LRRC71: variants seen among roughly 807,000 people sequenced by gnomAD.
LRRC71 encodes leucine rich repeat containing 71.
LRRC71 carries 54 observed loss-of-function variants against 66.6 expected under a neutral mutation model. That is an observed-to-expected ratio of 0.81 (90% CI 0.65 to 1.02). LRRC71 has a LOEUF of 1.02. Among genes scored for constraint, LRRC71 ranks in the 50% least tolerant of loss-of-function variants. The pLI is 0.00. For synonymous variants in LRRC71, 323 were observed against 303.9 expected (o/e 1.06, Z -0.65); for missense variants, 724 against 718.0 (o/e 1.01, Z -0.10).
chr1:156,930,032 T>TTCTTTCTCTTTCTTTC, intron 11 of LRRC71, among the ~76,000 whole-genome samples: 1 of 120,056 alleles, frequency 8.3e-6, no homozygotes, highest in East Asian at 2.5e-4. Context: ...TTTCTTTTCT[T>TTCTTTCTCTTTCTTTC]TTTCTTTCTT....
At chr1:156,937,086 G>C, downstream of LRRC71, 2 of 1,572,082 alleles carry the variant, frequency 1.3e-6, no homozygotes, top group Non-Finnish European at 1.7e-6. Context: ...GCTGGGCCTT[G>C]GGGAGGAGGG....
chr1:156,932,052 C>T (rs1398053800), intron 13 of LRRC71, 25 bp downstream of exon 13: 1 of 1,548,766 alleles, frequency 6.5e-7, no homozygotes, highest in Non-Finnish European at 8.8e-7. Context: ...CTCCCCTGTC[C>T]TCCTGTCATG....
At chr1:156,933,530 G>A (rs1029834064), downstream of LRRC71, among the ~76,000 whole-genome samples, 5 of 152,242 alleles carry the variant, frequency 3.3e-5, no homozygotes, top group Admixed American at 6.5e-5. Flanking sequence ...TTAAGAAAAT[G>A]AACAAAGGCT....
rs1340580471 is a variant in LRRC71 at position 156,929,418 on chromosome 1, G to T, written c.1135G>T (p.Glu379Ter). 6.2e-7 allele frequency: 1 copy of T among 1,613,736 alleles called. No individual in the cohort carries two copies. Among genetic ancestry groups the T allele is most frequent in the African/African-American group, 1.3e-5 (1 of 74,914 alleles). Residue 379 changes from glutamate to a stop codon, truncating the protein, a stop_gained, in exon 10 of 15, where the codon GAG (glutamate) becomes TAG (stop). Coordinates refer to ENST00000337428, the MANE Select transcript of LRRC71 (RefSeq NM_144702.3). LOFTEE classifies it high-confidence loss of function. ...KTPKGLGKKK[E>*]KSWELAKKEE... ...CCCTAAGGGCCTGGGCAAGAAAAAG[G>T]AGAAATCATGGGTAGGTGTGCAATG...
At chr1:156,940,221 G>C in the LRRC71 span, 1 of 1,588,378 alleles carries the variant, frequency 6.3e-7, no homozygotes. Context: ...TTCCAGAGCG[G>C]AGTCAGCGAG....
At chr1:156,924,178 T>C (rs1652825660) in intron 2 of LRRC71, 80 bp downstream of exon 2, 1 of 1,457,706 alleles carries the variant, frequency 6.9e-7, no homozygotes, top group South Asian at 1.3e-5. Flanking sequence ...CCGGGCCAAA[T>C]GGAGGGACGC....
chr1:156,933,060 C>T lies in LRRC71; in HGVS notation c.*91C>T. ...TGACCTCCCTGGGGGAGATCTCAGA[C>T]CAATAACAAAGTCTGTTGCTATACT... is the stretch of plus-strand genomic sequence containing the variant. On this transcript the variant is annotated 3_prime_UTR_variant, in exon 15 of 15. Coordinates refer to ENST00000337428, the MANE Select transcript of LRRC71 (RefSeq NM_144702.3). The T allele has an allele frequency of 1.2e-6, 1 of 859,702 alleles. No individual in the cohort carries two copies. The highest frequency in any genetic ancestry group is 1.7e-5 in the South Asian group (1 of 60,404). 53.3% of individuals were successfully genotyped at this position (859,702 alleles called of 1,614,324 possible).
intron 5 of LRRC71, among the ~76,000 whole-genome samples, chr1:156,925,621 C>G (rs1041784749): frequency 6.6e-6 from 1 of 152,206 alleles, no homozygotes; most frequent in Non-Finnish European, 1.5e-5. Flanking sequence ...TGGGAAGGAG[C>G]AGGAGCAAGG....
chr1:156,927,885 G>A (rs751455249), intron 8 of LRRC71, 30 bp from the exon 9 acceptor site: 2 of 1,610,322 alleles, frequency 1.2e-6, no homozygotes, highest in East Asian at 2.2e-5. Context: ...CTACCCAGGC[G>A]TCCGACCGCT....
At chr1:156,930,080 T>TTCTTTCTTTCTTTC (rs1571069393) in intron 11 of LRRC71, among the ~76,000 whole-genome samples, 3 of 110,460 alleles carry the variant, frequency 2.7e-5, no homozygotes, top group Non-Finnish European at 5.1e-5. Context: ...TTCTTTCTTT[T>TTCTTTCTTTCTTTC]CTTTCTTTCT....
At chr1:156,936,694 G>A (rs543899506), downstream of LRRC71, 5 of 1,168,676 alleles carry the variant, frequency 4.3e-6, no homozygotes, top group East Asian at 2.4e-5. Flanking sequence ...GAATGAACTC[G>A]TTTCACTCAA....
chr1:156,933,200 G>A (rs554506895), downstream of LRRC71: 32 of 481,926 alleles, frequency 6.6e-5, 1 homozygote, highest in South Asian at 8.7e-4. Flanking sequence ...TTACAGTTCC[G>A]CTGGGGATGA....
At chr1:156,934,462 T>C (rs910896762), downstream of LRRC71, among the ~76,000 whole-genome samples, 48 of 152,080 alleles carry the variant, frequency 3.2e-4, no homozygotes, top group African/African-American at 1.1e-3. Context: ...GTCTTCAAGC[T>C]CATTGAGGGC....
the LRRC71 span, chr1:156,940,567 C>T: frequency 8.6e-5 from 56 of 650,672 alleles, no homozygotes; most frequent in Non-Finnish European, 1.2e-4. Flanking sequence ...ATGGCCAGCA[C>T]TGTCCCAGGC....
Position 156,920,809 on chromosome 1 carries a change from G to C in LRRC71, c.6G>C (p.Ser2=). M[S]SEQSAPGASP... ...ACGCTGCGGACAACACCAGCATGTC[G>C]AGCGAGCAGAGCGCGCCGGGGGCCT... is the stretch of plus-strand genomic sequence containing the variant. The change falls in exon 1 of 15, where the codon TCG becomes TCC. Residue 2 remains serine (S), a synonymous_variant. Coordinates refer to ENST00000337428, the MANE Select transcript of LRRC71 (RefSeq NM_144702.3). This position sits in a 1 kb window ranked among gnomAD's most constrained non-coding sequence, Gnocchi z 4.9. 6.6e-7 allele frequency: 1 copy of C among 1,520,346 alleles called. No individual in the cohort carries two copies. Among genetic ancestry groups the C allele is most frequent in the African/African-American group, 1.4e-5 (1 of 71,644 alleles). 94.2% of individuals were successfully genotyped at this position (1,520,346 alleles called of 1,614,324 possible).
rs757137608 is a variant in LRRC71 at position 156,924,483 on chromosome 1, T to C, written c.370T>C (p.Phe124Leu). 1.9e-6 allele frequency: 3 copies of C among 1,551,450 alleles called. No homozygotes were observed. Among genetic ancestry groups the C allele is most frequent in the South Asian group, 2.4e-5 (2 of 84,070 alleles). The change falls in exon 3 of 15, where the codon TTC (phenylalanine) becomes CTC (leucine). Residue 124 changes from phenylalanine (F) to leucine (L), a missense_variant. Physicochemically the swap from Phe to Leu is conservative, Grantham distance 22. Coordinates refer to ENST00000337428, the MANE Select transcript of LRRC71 (RefSeq NM_144702.3). Reference protein sequence around the residue: ...LNSLESKYVFFRPTIQVELEQ... With the variant: ...LNSLESKYVFLRPTIQVELEQ... The stretch of plus-strand genomic sequence containing the variant: ...TAGCCTGGAGAGCAAATACGTGTTC[T>C]TCCGGCCCACCATCCAGGTGGAGCT...
the LRRC71 span, chr1:156,940,514 G>C: frequency 8.3e-7 from 1 of 1,203,666 alleles, no homozygotes. Context: ...CCAAGGGGCT[G>C]GGAACACTGA....
At chr1:156,929,853 T>C (rs576879839) in intron 11 of LRRC71, 124 bp downstream of exon 11, 2 of 748,782 alleles carry the variant, frequency 2.7e-6, no homozygotes, top group Admixed American at 2.9e-5. Context: ...CATGCCCCTC[T>C]GGGCTTGATT....
Position 156,928,363 on chromosome 1 carries a change from C to CTTCT in LRRC71, c.996+360_996+361insTCTT, listed in dbSNP as rs1653584959. The stretch of plus-strand genomic sequence containing the variant: ...TTCTTCTTTCTTTCTCTTCTTCTTC[C>CTTCT]TCTTCTTCTTCTTCTTCTTCTTCTT... On this transcript the variant is annotated intron_variant, in intron 9 of 14. Transcript: ENST00000337428. Among the ~76,000 whole-genome samples the CTTCT allele has an allele frequency of 4.9e-3, 481 of 98,818 alleles. 8 individuals carry two copies. The highest frequency in any genetic ancestry group is 0.025 in the African/African-American group (463 of 18,770). 64.8% of individuals were successfully genotyped at this position (98,818 alleles called of 152,430 possible).
Sources: allele counts gnomAD v4.1 joint callset (sites outside exome capture counted in the v4.1 genomes callset), GRCh38; gene constraint gnomAD v4.1.1; non-coding constraint Gnocchi (gnomAD v3.1); transcripts MANE v1.5; gene names NCBI Gene and HGNC (gene_info 2026-07-23, HGNC 2026-07-21).